Variants in QTMAN observed in about 807,000 individuals in gnomAD.
The protein encoded by QTMAN is tRNA-queuosine alpha-mannosyltransferase.
chr2:143,965,787 C>G, the QTMAN span, among the ~76,000 whole-genome samples: 1 of 152,162 alleles, frequency 6.6e-6, no homozygotes, highest in African/African-American at 2.4e-5. Flanking sequence ...GGTTGAAAAC[C>G]ACTAAAAGCT....
At chr2:144,330,752 G>A in the QTMAN span, among the ~76,000 whole-genome samples, 1 of 152,060 alleles carries the variant, frequency 6.6e-6, no homozygotes, top group South Asian at 2.1e-4. Context: ...AGTACAAGAG[G>A]TCTGAATTAC....
At chr2:144,182,868 A>G in the QTMAN span, among the ~76,000 whole-genome samples, 1 of 73,680 alleles carries the variant, frequency 1.4e-5, no homozygotes, top group Non-Finnish European at 2.3e-5. Context: ...TATAATATAT[A>G]TATATTATAT....
the QTMAN span, among the ~76,000 whole-genome samples, chr2:144,119,408 G>C: frequency 6.6e-6 from 1 of 152,186 alleles, no homozygotes; most frequent in South Asian, 2.1e-4. Flanking sequence ...TCCTGCTCCT[G>C]TTAGATAGGC....
At chr2:144,182,797 A>T in the QTMAN span, among the ~76,000 whole-genome samples, 2,735 of 30,216 alleles carry the variant, frequency 0.091, 238 homozygotes, top group African/African-American at 0.19. Flanking sequence ...ATATATATAT[A>T]TTATATATAT....
the QTMAN span, among the ~76,000 whole-genome samples, chr2:144,312,238 G>C: frequency 2.0e-5 from 3 of 149,822 alleles, no homozygotes; most frequent in African/African-American, 7.4e-5. Flanking sequence ...GCCCAGGCTG[G>C]CCATAGACTC....
At chr2:144,060,686 A>G in the QTMAN span, among the ~76,000 whole-genome samples, 1 of 152,226 alleles carries the variant, frequency 6.6e-6, no homozygotes, top group Non-Finnish European at 1.5e-5. Context: ...TTGCTAGGCT[A>G]TAATTTTTAC....
chr2:144,014,456 T>C, the QTMAN span, among the ~76,000 whole-genome samples: 1 of 152,142 alleles, frequency 6.6e-6, no homozygotes, highest in East Asian at 1.9e-4. Context: ...CAAGACTGTC[T>C]TGCTTGAACT....
At chr2:144,141,467 C>CT in the QTMAN span, among the ~76,000 whole-genome samples, 1 of 149,962 alleles carries the variant, frequency 6.7e-6, no homozygotes, top group Non-Finnish European at 1.5e-5. Context: ...GAGAAATGAA[C>CT]TAATCCAAGC....
At chr2:144,050,933 G>A in the QTMAN span, among the ~76,000 whole-genome samples, 1 of 152,146 alleles carries the variant, frequency 6.6e-6, no homozygotes, top group African/African-American at 2.4e-5. Context: ...GTTGAATCAT[G>A]AATGCAGAAC....
chr2:144,326,236 T>C, the QTMAN span, among the ~76,000 whole-genome samples: 11 of 152,350 alleles, frequency 7.2e-5, no homozygotes, highest in Non-Finnish European at 1.5e-4. Context: ...TCTTCTTAAT[T>C]AAATGTCCTG....
At chr2:143,965,913 C>G in the QTMAN span, among the ~76,000 whole-genome samples, 1 of 152,226 alleles carries the variant, frequency 6.6e-6, no homozygotes, top group East Asian at 1.9e-4. Flanking sequence ...TCTTCAGATA[C>G]CAGCTGGGTT....
At chr2:144,233,483 G>C in the QTMAN span, among the ~76,000 whole-genome samples, 2 of 152,184 alleles carry the variant, frequency 1.3e-5, no homozygotes, top group Non-Finnish European at 2.9e-5. Flanking sequence ...AAGTGGGAAA[G>C]ACTAAGGCTG....
chr2:144,146,968 T>G, the QTMAN span, among the ~76,000 whole-genome samples: 1 of 151,874 alleles, frequency 6.6e-6, no homozygotes, highest in East Asian at 1.9e-4. Context: ...CCACTTACAT[T>G]GCAAGTGCTT....
At chr2:143,982,158 G>C in the QTMAN span, among the ~76,000 whole-genome samples, 1 of 152,126 alleles carries the variant, frequency 6.6e-6, no homozygotes, top group Non-Finnish European at 1.5e-5. Context: ...GAAGCCTCAT[G>C]AAACAAAGTC....
chr2:144,044,928 T>G, the QTMAN span, among the ~76,000 whole-genome samples: 1 of 152,206 alleles, frequency 6.6e-6, no homozygotes, highest in African/African-American at 2.4e-5. Flanking sequence ...CAAATGTTTA[T>G]TAGGTTTCTA....
chr2:144,269,205 G>A, the QTMAN span, among the ~76,000 whole-genome samples: 6 of 152,078 alleles, frequency 3.9e-5, no homozygotes, highest in South Asian at 2.1e-4. Context: ...AGTATTCACC[G>A]TTACTTTTAA....
At chr2:144,321,229 G>A in the QTMAN span, among the ~76,000 whole-genome samples, 3 of 152,174 alleles carry the variant, frequency 2.0e-5, no homozygotes, top group African/African-American at 7.2e-5. Flanking sequence ...GGATGCCCAA[G>A]ATATCTGTGT....
the QTMAN span, among the ~76,000 whole-genome samples, chr2:144,221,172 G>C: frequency 6.6e-6 from 1 of 152,078 alleles, no homozygotes; most frequent in Non-Finnish European, 1.5e-5. Context: ...TAATACATAT[G>C]GTTAGCTTTG....
At chr2:144,271,339 A>G in the QTMAN span, among the ~76,000 whole-genome samples, 1 of 152,212 alleles carries the variant, frequency 6.6e-6, no homozygotes, top group South Asian at 2.1e-4. Context: ...ATAAACATAT[A>G]ATCCATGCTG....
Sources: gnomAD v4.1 joint callset for allele counts (sites outside exome capture counted in the v4.1 genomes callset) on GRCh38, gnomAD v4.1.1 for gene constraint, MANE v1.5 for transcripts, NCBI Gene and HGNC (gene_info 2026-07-23, HGNC 2026-07-21) for gene names.